FAT3: variants seen among roughly 807,000 people sequenced by gnomAD.
The protein encoded by FAT3 is FAT atypical cadherin 3, also known as protocadherin Fat 3.
A neutral mutation model predicts 310.2 loss-of-function variants in FAT3; 95 were observed. That is an observed-to-expected ratio of 0.31 (90% CI 0.26 to 0.36). The LOEUF is 0.36. FAT3 is among the 10% of genes least tolerant of loss of function. The probability of loss-of-function intolerance (pLI) is 1.00; values close to 1 mark genes in which losing one functional copy is unlikely to be tolerated. For missense variants in FAT3, 5,408 were observed against 5,715.6 expected, an observed-to-expected ratio of 0.95 and a Z score of 1.74; for synonymous variants, 2,314 against 2,192.9, an observed-to-expected ratio of 1.06 and a Z score of -1.54.
chr11:92,283,068 A>G (rs1258552820), intron 1 of FAT3, among the ~76,000 whole-genome samples: 1 of 152,164 alleles, frequency 6.6e-6, no homozygotes, highest in Admixed American at 6.5e-5. Flanking sequence ...CTGTGGCTGT[A>G]TCCCCAAAGC....
intron 3 of FAT3, among the ~76,000 whole-genome samples, chr11:92,647,738 C>G (rs1942218244): frequency 6.6e-6 from 1 of 152,046 alleles, no homozygotes; most frequent in Non-Finnish European, 1.5e-5. Flanking sequence ...ATGGAATTTC[C>G]TCAATCATGT....
intron 4 of FAT3, among the ~76,000 whole-genome samples, chr11:92,708,372 A>G (rs1944421881): frequency 6.6e-6 from 1 of 152,236 alleles, no homozygotes; most frequent in Non-Finnish European, 1.5e-5. Context: ...AAATGTAGAT[A>G]GAGATGGTTA....
intron 19 of FAT3, among the ~76,000 whole-genome samples, chr11:92,855,949 C>G (rs1477372308): frequency 6.9e-6 from 1 of 145,590 alleles, no homozygotes; most frequent in African/African-American, 2.5e-5. Context: ...TTCTTCTGCA[C>G]AAAGAAATGA....
intron 1 of FAT3, among the ~76,000 whole-genome samples, chr11:92,346,403 G>A (rs1415564381): frequency 6.6e-6 from 1 of 152,100 alleles, no homozygotes; most frequent in Non-Finnish European, 1.5e-5. Flanking sequence ...CAATTACAGA[G>A]CTCTGGCAAT....
intron 3 of FAT3, among the ~76,000 whole-genome samples, chr11:92,579,391 A>G (rs193218621): frequency 6.6e-6 from 1 of 152,254 alleles, no homozygotes; most frequent in Admixed American, 6.5e-5. Context: ...GGAGACCGTG[A>G]TGCTTCTGAG....
intron 3 of FAT3, among the ~76,000 whole-genome samples, chr11:92,682,376 G>GA (rs1434304957): frequency 1.3e-5 from 2 of 152,046 alleles, no homozygotes; most frequent in East Asian, 1.9e-4. Context: ...ATGTGAGAAA[G>GA]AAAAAAAATC....
chr11:92,608,695 C>T (rs7939508), intron 3 of FAT3, among the ~76,000 whole-genome samples: 4,116 of 111,334 alleles, frequency 0.037, 208 homozygotes, highest in African/African-American at 0.14. Context: ...TAATATTCTC[C>T]ATGAAAATAT....
At chr11:92,417,085 G>T (rs1188814241) in intron 2 of FAT3, among the ~76,000 whole-genome samples, 1 of 152,114 alleles carries the variant, frequency 6.6e-6, no homozygotes, top group African/African-American at 2.4e-5. Flanking sequence ...TCTCCTTTTG[G>T]GTTTAGAGGT....
chr11:92,512,228 C>G (rs921381141), intron 2 of FAT3, among the ~76,000 whole-genome samples: 1 of 151,894 alleles, frequency 6.6e-6, no homozygotes, highest in African/African-American at 2.4e-5. Flanking sequence ...ATAATATAGA[C>G]AGAGTTGCCA....
chr11:92,835,907 T>C (rs1591795956), intron 15 of FAT3, among the ~76,000 whole-genome samples: 1 of 151,720 alleles, frequency 6.6e-6, no homozygotes, highest in Non-Finnish European at 1.5e-5. Flanking sequence ...GAACAAAGAG[T>C]CCCCTCCTCA....
chr11:92,238,405 T>C (rs1864525766), intron 1 of FAT3, among the ~76,000 whole-genome samples: 1 of 152,150 alleles, frequency 6.6e-6, no homozygotes. Context: ...ACCTCTGGAA[T>C]GTCCACATAG....
At chr11:92,421,018 G>T (rs1950523369) in intron 2 of FAT3, among the ~76,000 whole-genome samples, 1 of 152,106 alleles carries the variant, frequency 6.6e-6, no homozygotes, top group African/African-American at 2.4e-5. Flanking sequence ...ATTAGCGGAT[G>T]TTTTCCTGTC....
intron 3 of FAT3, among the ~76,000 whole-genome samples, chr11:92,690,836 A>C (rs76130074): frequency 0.036 from 5,414 of 152,202 alleles, 232 homozygotes; most frequent in East Asian, 0.21. Context: ...AAGAGGTGGA[A>C]ATAGGGGTTC....
Position 92,859,254 on chromosome 11 carries a change from C to T in FAT3, c.11590C>T (p.Arg3864Cys), listed in dbSNP as rs1949062317. The stretch of plus-strand genomic sequence containing the variant: ...AGAAGAGGATTTCAAACTAGCTCTG[C>T]GTCTTCGAACACTGCAAAGCAATGG... Reference protein sequence around the residue: ...SKEEDFKLALRLRTLQSNGII... With the variant: ...SKEEDFKLALCLRTLQSNGII... The change falls in exon 21 of 28, where the codon CGT (arginine) becomes TGT (cysteine). Residue 3864 changes from arginine (R) to cysteine (C), a missense_variant. Arg to Cys is a radical substitution (Grantham distance 180, BLOSUM62 -3). Coordinates refer to ENST00000525166, the MANE Select transcript of FAT3 (RefSeq NM_001367949.2). The T allele has an allele frequency of 1.2e-6, 2 of 1,613,680 alleles. No individual in the cohort carries two copies. Among genetic ancestry groups the T allele is most frequent in the South Asian group, 1.1e-5 (1 of 90,990 alleles).
At position 92,891,148 on chromosome 11, in the gene FAT3, C is replaced by G. The variant is rs1253392819; in HGVS notation, c.*35C>G. ...CTTGGGTACTTCACCCTGTTTGTTA[C>G]AGAAAAGTGGAAGCAGATTGGCTGG... On this transcript the variant is annotated 3_prime_UTR_variant, in exon 28 of 28. Transcript: ENST00000525166. 1.9e-6 allele frequency: 3 copies of G among 1,599,998 alleles called. No individual in the cohort carries two copies. Among genetic ancestry groups the G allele is most frequent in the Non-Finnish European group, 2.6e-6 (3 of 1,172,472 alleles).
chr11:92,552,719 T>C (rs1028404049), intron 3 of FAT3, among the ~76,000 whole-genome samples: 1 of 152,128 alleles, frequency 6.6e-6, no homozygotes, highest in East Asian at 1.9e-4. Flanking sequence ...CTACTGTTTA[T>C]GTTTAGCACT....
At chr11:92,580,247 G>A (rs1397962782) in intron 3 of FAT3, among the ~76,000 whole-genome samples, 1 of 152,012 alleles carries the variant, frequency 6.6e-6, no homozygotes, top group Non-Finnish European at 1.5e-5. Flanking sequence ...CAACTCCAGA[G>A]CATCCTTACT....
chr11:92,454,848 T>C (rs1324664105), intron 2 of FAT3, among the ~76,000 whole-genome samples: 1 of 152,138 alleles, frequency 6.6e-6, no homozygotes, highest in Non-Finnish European at 1.5e-5. Flanking sequence ...ACTTTTTTTT[T>C]CCACGTGCCA....
At chr11:92,397,557 A>G (rs1949901866) in intron 2 of FAT3, among the ~76,000 whole-genome samples, 1 of 152,108 alleles carries the variant, frequency 6.6e-6, no homozygotes, top group South Asian at 2.1e-4. Flanking sequence ...CCTTTTCCCC[A>G]AACACCTGCC....
Sources: allele counts gnomAD v4.1 joint callset (sites outside exome capture counted in the v4.1 genomes callset), GRCh38; gene constraint gnomAD v4.1.1; transcripts MANE v1.5; gene names NCBI Gene and HGNC (gene_info 2026-07-23, HGNC 2026-07-21).